The following KDM6A variants were observed in gnomAD, a reference collection of about 807,000 sequenced individuals.
KDM6A encodes the protein lysine-specific demethylase 6A.
Under a neutral mutation model 117.6 loss-of-function variants are expected in KDM6A, and 11 were observed. The ratio of observed to expected loss-of-function variants is 0.09; its 90% CI spans 0.06 to 0.15. The LOEUF (loss-of-function observed/expected upper bound fraction) is 0.15, where lower values mean the gene tolerates loss of function less well. Ranked by LOEUF, KDM6A falls within the 10% of genes least tolerant of loss-of-function variation. The pLI is 1.00. For missense variants in KDM6A, 799 were observed against 1,077.3 expected (o/e 0.74, Z 3.62); for synonymous variants, 384 against 396.1 (o/e 0.97, Z 0.36).
intron 4 of KDM6A, among the ~76,000 whole-genome samples, chrX:45,005,958 C>A (rs2041425846): frequency 1.9e-5 from 1 of 52,896 alleles, no homozygotes; most frequent in Non-Finnish European, 3.2e-5. Flanking sequence ...ACCTCACCCC[C>A]CCACCCCCCC....
At chrX:44,971,568 G>A (rs2039342358) in intron 3 of KDM6A, among the ~76,000 whole-genome samples, 1 of 111,062 alleles carries the variant, frequency 9.0e-6, no homozygotes, top group Non-Finnish European at 1.9e-5. Flanking sequence ...TATATTGTAA[G>A]GTCAGCCGAG....
chrX:44,999,753 T>C (rs759239964), intron 4 of KDM6A, among the ~76,000 whole-genome samples: 1 of 111,546 alleles, frequency 9.0e-6, no homozygotes, highest in East Asian at 2.8e-4. Context: ...AAGAAGATGC[T>C]TCTCTGGATA....
chrX:44,946,805 C>T (rs1214157638), intron 2 of KDM6A, among the ~76,000 whole-genome samples: 1 of 110,782 alleles, frequency 9.0e-6, no homozygotes, highest in African/African-American at 3.3e-5. Flanking sequence ...TTATTGTTTG[C>T]CAGTTGCGTT....
intron 4 of KDM6A, among the ~76,000 whole-genome samples, chrX:45,009,775 G>C (rs748755531): frequency 9.0e-5 from 10 of 111,638 alleles, no homozygotes; most frequent in Non-Finnish European, 1.5e-4. Flanking sequence ...GAGATCTCCA[G>C]CAGGCTTGAG....
intron 6 of KDM6A, among the ~76,000 whole-genome samples, chrX:45,029,068 A>G (rs1387442303): frequency 6.3e-5 from 7 of 111,865 alleles, no homozygotes; most frequent in Non-Finnish European, 1.1e-4. Context: ...ACTTACAACA[A>G]CTTAAGGGCG....
At chrX:45,061,649 A>G (rs1404980898) in intron 15 of KDM6A, among the ~76,000 whole-genome samples, 1 of 107,036 alleles carries the variant, frequency 9.3e-6, no homozygotes, top group East Asian at 2.9e-4. Flanking sequence ...GCACCATCAC[A>G]CCCCGCTAAT....
At chrX:44,907,023 TC>T (rs762823653) in intron 2 of KDM6A, among the ~76,000 whole-genome samples, 4 of 110,876 alleles carry the variant, frequency 3.6e-5, no homozygotes, top group African/African-American at 6.6e-5. Context: ...AGGTAACCTT[TC>T]CCCCCCACTC....
intron 2 of KDM6A, among the ~76,000 whole-genome samples, chrX:44,916,624 C>T (rs1292519141): frequency 9.0e-6 from 1 of 110,770 alleles, no homozygotes; most frequent in Non-Finnish European, 1.9e-5. Flanking sequence ...TCTGTAGTGT[C>T]ATGCATTTTT....
At chrX:44,992,403 T>A (rs1443685410) in intron 4 of KDM6A, among the ~76,000 whole-genome samples, 17 of 108,114 alleles carry the variant, frequency 1.6e-4, no homozygotes, top group Non-Finnish European at 2.9e-4. Flanking sequence ...TTTGTATTTT[T>A]AGTAGAGATG....
At position 45,026,550 on chromosome X, in the gene KDM6A, G is replaced by A. The variant is rs752891152; in HGVS notation, c.564+5820G>A. Among the ~76,000 whole-genome samples the A allele has an allele frequency of 2.7e-5, 3 of 110,259 alleles. 1 individual carries two copies. The East Asian group carries it at 8.5e-4, about 31-fold the overall frequency. On this transcript the variant is annotated intron_variant, in intron 6 of 29. Coordinates refer to ENST00000611820, the MANE Select transcript of KDM6A (RefSeq NM_001291415.2). ...TCATATAATTAAAATATTGTGGGCC[G>A]GGCGCAGTGGCTCACGCCTGTAATC... is the stretch of plus-strand genomic sequence containing the variant.
At chrX:45,041,138 C>A (rs1418137450) in intron 8 of KDM6A, among the ~76,000 whole-genome samples, 1 of 78,637 alleles carries the variant, frequency 1.3e-5, no homozygotes, top group Non-Finnish European at 2.4e-5. Flanking sequence ...CCCCCACCAC[C>A]TCCCTCCCGG....
chrX:45,068,502 A>G (rs17147088), intron 17 of KDM6A, among the ~76,000 whole-genome samples: 22,591 of 106,479 alleles, frequency 0.21, 4,279 homozygotes, highest in African/African-American at 0.6. Context: ...GATGAAAAAT[A>G]AAGTTTATCT....
At chrX:45,011,982 C>G (rs925658232) in intron 5 of KDM6A, among the ~76,000 whole-genome samples, 1 of 108,508 alleles carries the variant, frequency 9.2e-6, no homozygotes, top group African/African-American at 3.4e-5. Context: ...ATGGGGCCTC[C>G]CCCTATGTTG....
chrX:45,009,232 G>GA, intron 4 of KDM6A, among the ~76,000 whole-genome samples: 1 of 112,211 alleles, frequency 8.9e-6, no homozygotes, highest in African/African-American at 3.2e-5. Flanking sequence ...AACAAGGGGT[G>GA]AATTATTCAT....
chrX:44,997,641 C>T (rs925523489), intron 4 of KDM6A, among the ~76,000 whole-genome samples: 2 of 111,584 alleles, frequency 1.8e-5, no homozygotes, highest in Non-Finnish European at 3.8e-5. Context: ...CCTCCTCTAC[C>T]CAGCACTTCC....
chrX:45,086,849 A>G (rs2045660513), intron 25 of KDM6A, among the ~76,000 whole-genome samples: 1 of 112,261 alleles, frequency 8.9e-6, no homozygotes, highest in African/African-American at 3.2e-5. Context: ...TTAGCAAATT[A>G]GTATAGGATG....
intron 6 of KDM6A, among the ~76,000 whole-genome samples, chrX:45,023,802 C>G (rs953469657): frequency 3.6e-5 from 4 of 110,653 alleles, no homozygotes; most frequent in Non-Finnish European, 7.6e-5. Context: ...CCTTGCCTCT[C>G]TTCCCCGAGT....
At chrX:45,110,577 A>G (rs2046731369) in intron 29 of KDM6A, among the ~76,000 whole-genome samples, 1 of 111,878 alleles carries the variant, frequency 8.9e-6, no homozygotes, top group Non-Finnish European at 1.9e-5. Context: ...ATGTTTGTGT[A>G]CGTAGGTTAT....
intron 2 of KDM6A, among the ~76,000 whole-genome samples, chrX:44,899,395 A>G (rs1296505450): frequency 9.2e-6 from 1 of 108,892 alleles, no homozygotes; most frequent in East Asian, 2.9e-4. Context: ...GCCCGGCTCC[A>G]CTGAAACTGG....
Sources: allele counts gnomAD v4.1 joint callset (sites outside exome capture counted in the v4.1 genomes callset), GRCh38; gene constraint gnomAD v4.1.1; transcripts MANE v1.5; gene names NCBI Gene and HGNC (gene_info 2026-07-23, HGNC 2026-07-21).